DOCK10: variants seen among roughly 807,000 people sequenced by gnomAD.
DOCK10 encodes the protein dedicator of cytokinesis 10, also known as dedicator of cytokinesis protein 10.
In DOCK10, 145 loss-of-function variants were observed where a neutral mutation model predicts 280.1. The ratio of observed to expected loss-of-function variants is 0.52; its 90% CI spans 0.45 to 0.59. DOCK10 has a LOEUF of 0.59. DOCK10 is among the 20% of genes least tolerant of loss of function. The pLI is 0.00. For synonymous variants in DOCK10, 915 were observed against 942.2 expected (o/e 0.97, Z 0.53); for missense variants, 2,368 against 2,651.7 (o/e 0.89, Z 2.35).
chr2:224,924,774 T>G (rs1382798748), intron 2 of DOCK10, among the ~76,000 whole-genome samples: 1 of 152,218 alleles, frequency 6.6e-6, no homozygotes, highest in Non-Finnish European at 1.5e-5. Context: ...ACTGTTTCAC[T>G]ACAGTACTTA....
intron 47 of DOCK10, among the ~76,000 whole-genome samples, chr2:224,792,307 G>A (rs1330004851): frequency 6.6e-6 from 1 of 151,496 alleles, no homozygotes; most frequent in East Asian, 1.9e-4. Flanking sequence ...TTTTGGAGAC[G>A]GAGTCTCACT....
At chr2:225,040,128 T>C (rs923908057) in intron 1 of DOCK10, among the ~76,000 whole-genome samples, 1 of 152,178 alleles carries the variant, frequency 6.6e-6, no homozygotes, top group African/African-American at 2.4e-5. Context: ...CTCTACCACA[T>C]AGTCCAATGA....
chr2:225,040,722 TA>T (rs1274528988), intron 1 of DOCK10, among the ~76,000 whole-genome samples: 1 of 152,102 alleles, frequency 6.6e-6, no homozygotes, highest in Non-Finnish European at 1.5e-5. Context: ...AATTGCAAAA[TA>T]AAGTTTTTGT....
intron 40 of DOCK10, among the ~76,000 whole-genome samples, chr2:224,801,286 A>AAAG (rs1341792561): frequency 6.6e-6 from 1 of 150,466 alleles, no homozygotes; most frequent in African/African-American, 2.5e-5. Context: ...ACATGGCAAA[A>AAAG]AAAAAAAAAA....
rs960763913 is a variant in DOCK10, at chr2:224,765,622, A to T, written c.*99T>A. ...CGAGGTAAACAAAAATATTAACACC[A>T]TGAAAACTTCAAATAAATTAAACCT... On this transcript the variant is annotated 3_prime_UTR_variant, in exon 56 of 56. Transcript: ENST00000258390. 12 of 847,598 alleles carry T rather than the reference A, an allele frequency of 1.4e-5. No individual in the cohort carries two copies. The African/African-American group carries it at 1.9e-4, about 13-fold the overall frequency. 52.5% of individuals were successfully genotyped at this position (847,598 alleles called of 1,614,324 possible). A position where few individuals can be genotyped will look rare whatever the true frequency, so the allele number is the denominator to read the frequency against.
intron 3 of DOCK10, among the ~76,000 whole-genome samples, chr2:224,906,426 T>C (rs1227888119): frequency 6.6e-6 from 1 of 152,210 alleles, no homozygotes; most frequent in Non-Finnish European, 1.5e-5. Context: ...TTTAGTTGTT[T>C]CTTCTGACAG....
intron 1 of DOCK10, among the ~76,000 whole-genome samples, chr2:224,962,053 G>A (rs985650675): frequency 6.6e-6 from 1 of 152,156 alleles, no homozygotes; most frequent in Non-Finnish European, 1.5e-5. Flanking sequence ...TGACAGCATG[G>A]TGGCTGGCTG....
intron 3 of DOCK10, among the ~76,000 whole-genome samples, chr2:224,908,712 G>A (rs903936630): frequency 6.6e-6 from 1 of 152,066 alleles, no homozygotes. Context: ...GCCCAAGCTG[G>A]TCTTGAACTC....
At chr2:224,856,801 G>A in intron 15 of DOCK10, 59 bp downstream of exon 15, 3 of 1,466,786 alleles carry the variant, frequency 2.0e-6, no homozygotes, top group Non-Finnish European at 2.8e-6. Context: ...TATTTATGAA[G>A]TGATAAAAAA....
At chr2:224,957,386 G>A (rs1704114139) in intron 1 of DOCK10, among the ~76,000 whole-genome samples, 1 of 151,166 alleles carries the variant, frequency 6.6e-6, no homozygotes, top group Non-Finnish European at 1.5e-5. Flanking sequence ...GAACTCTTGG[G>A]CTCAAATGAC....
At chr2:224,909,673 C>T (rs6731100) in intron 3 of DOCK10, among the ~76,000 whole-genome samples, 50,623 of 151,650 alleles carry the variant, frequency 0.33, 8,508 homozygotes, top group Middle Eastern at 0.37. Context: ...TCATTATTCA[C>T]TCAGAGCCTG....
At chr2:224,792,366 C>T (rs933892113) in intron 47 of DOCK10, among the ~76,000 whole-genome samples, 1 of 152,148 alleles carries the variant, frequency 6.6e-6, no homozygotes, top group African/African-American at 2.4e-5. Flanking sequence ...TCACTGCAAC[C>T]TCCGCCTCCT....
At chr2:224,856,123 G>C (rs537056727) in intron 15 of DOCK10, among the ~76,000 whole-genome samples, 38 of 152,304 alleles carry the variant, frequency 2.5e-4, no homozygotes, top group African/African-American at 8.7e-4. Flanking sequence ...TTTCCTTAAA[G>C]AGTTGCTTGT....
At chr2:224,926,135 T>A (rs753200844) in intron 2 of DOCK10, among the ~76,000 whole-genome samples, 4 of 152,196 alleles carry the variant, frequency 2.6e-5, no homozygotes, top group Admixed American at 6.5e-5. Flanking sequence ...TAGTGAATCA[T>A]TAGGACACAT....
intron 1 of DOCK10, chr2:224,982,357 A>G: frequency 8.1e-7 from 1 of 1,231,940 alleles, no homozygotes; most frequent in Admixed American, 4.2e-5. Flanking sequence ...CAATGCTGGC[A>G]GTGCAGCCCA....
intron 7 of DOCK10, among the ~76,000 whole-genome samples, chr2:224,881,880 C>T (rs566700220): frequency 1.1e-4 from 17 of 152,230 alleles, no homozygotes; most frequent in Non-Finnish European, 1.9e-4. Context: ...GCATTCTCCA[C>T]GTCTACATAG....
At position 225,042,147 on chromosome 2, in the gene DOCK10, T is replaced by A; in HGVS notation, c.123+105A>T. The A allele has an allele frequency of 8.5e-7, 1 of 1,171,898 alleles. No individual in the cohort carries two copies. Among genetic ancestry groups the A allele is most frequent in the Non-Finnish European group, 1.1e-6 (1 of 940,144 alleles). 72.6% of individuals were successfully genotyped at this position (1,171,898 alleles called of 1,614,324 possible). A position where few individuals can be genotyped will look rare whatever the true frequency, so the allele number is the denominator to read the frequency against. ...GAGGGAGTGCGGAGGAGAGGACCCGTGAGCTGCGGGGACCTGGGCCCGCCG... is the reference window on the plus strand; with the variant it reads ...GAGGGAGTGCGGAGGAGAGGACCCGAGAGCTGCGGGGACCTGGGCCCGCCG... On this transcript the variant is annotated intron_variant, in intron 1 of 55. Coordinates refer to ENST00000258390, the MANE Select transcript of DOCK10 (RefSeq NM_014689.3). This position sits in a 1 kb window ranked among gnomAD's most constrained non-coding sequence, Gnocchi z 5.1.
chr2:224,779,955 A>G (rs937851264), intron 50 of DOCK10, among the ~76,000 whole-genome samples: 6 of 152,200 alleles, frequency 3.9e-5, no homozygotes, highest in African/African-American at 1.4e-4. Context: ...CCCAGTGTTT[A>G]GCACAATGCC....
chr2:224,809,241 G>A (rs74457892), intron 31 of DOCK10, among the ~76,000 whole-genome samples: 21 of 152,204 alleles, frequency 1.4e-4, no homozygotes, highest in East Asian at 7.7e-4. Flanking sequence ...GTACTTGCAC[G>A]TACAAGAAAA....
Sources: gnomAD v4.1 joint callset for allele counts (sites outside exome capture counted in the v4.1 genomes callset) on GRCh38, gnomAD v4.1.1 for gene constraint, Gnocchi (gnomAD v3.1) non-coding constraint, MANE v1.5 for transcripts, NCBI Gene and HGNC (gene_info 2026-07-23, HGNC 2026-07-21) for gene names.